Variants in TRAPPC9 observed in about 807,000 individuals in gnomAD.
TRAPPC9 encodes trafficking protein particle complex subunit 9.
A neutral mutation model predicts 124.0 loss-of-function variants in TRAPPC9; 83 were observed. The ratio of observed to expected loss-of-function variants is 0.67; its 90% CI spans 0.56 to 0.80. The LOEUF (loss-of-function observed/expected upper bound fraction) is 0.80. TRAPPC9 is among the 30% of genes least tolerant of loss of function. TRAPPC9 has a pLI of 0.00. For missense variants in TRAPPC9, 1,302 were observed against 1,508.3 expected, an observed-to-expected ratio of 0.86 and a Z score of 2.27; for synonymous variants, 638 against 617.5, an observed-to-expected ratio of 1.03 and a Z score of -0.49.
At chr8:139,840,942 G>A (rs1485965515) in intron 21 of TRAPPC9, among the ~76,000 whole-genome samples, 2 of 152,138 alleles carry the variant, frequency 1.3e-5, no homozygotes, top group African/African-American at 4.8e-5. Flanking sequence ...TGATGCCTCG[G>A]GTCTGGGAGG....
rs561736933 is a variant in TRAPPC9 at position 140,318,031 on chromosome 8, C to T, written c.1496-6657G>A. On this transcript the variant is annotated intron_variant, in intron 9 of 22. Transcript: ENST00000438773. ...AATATTGTAGTTATATAAGAAAATGCTCATTTTTTAGCAATGCATACTAAA... is the reference window on the plus strand; with the variant it reads ...AATATTGTAGTTATATAAGAAAATGTTCATTTTTTAGCAATGCATACTAAA... Among the ~76,000 whole-genome samples, 375 of 152,128 alleles carry T rather than the reference C, an allele frequency of 2.5e-3. 2 individuals carry two copies. Among genetic ancestry groups the T allele is most frequent in the African/African-American group, 8.8e-3 (366 of 41,490 alleles).
chr8:140,447,314 A>G (rs139859225), intron 2 of TRAPPC9, among the ~76,000 whole-genome samples: 16 of 152,316 alleles, frequency 1.1e-4, no homozygotes, highest in African/African-American at 3.6e-4. Flanking sequence ...AAATGAAAAG[A>G]CTATCCAGTT....
chr8:140,058,076 C>T (rs1038136519), intron 17 of TRAPPC9, among the ~76,000 whole-genome samples: 2 of 152,196 alleles, frequency 1.3e-5, no homozygotes, highest in African/African-American at 2.4e-5. Flanking sequence ...TCATGGGGCA[C>T]GTCTACTCTG....
chr8:140,437,108 C>T (rs1470333546), intron 3 of TRAPPC9, among the ~76,000 whole-genome samples: 1 of 151,982 alleles, frequency 6.6e-6, no homozygotes, highest in Non-Finnish European at 1.5e-5. Context: ...GGACTACAGG[C>T]ACAGACCACC....
At chr8:139,921,259 G>A (rs192952873) in intron 19 of TRAPPC9, among the ~76,000 whole-genome samples, 8 of 152,318 alleles carry the variant, frequency 5.3e-5, no homozygotes, top group Admixed American at 1.3e-4. Flanking sequence ...CAGGGATGCC[G>A]CCCAGGGCCA....
In TRAPPC9 at chr8:140,405,713, G is replaced by A. The variant is rs2069466474; in HGVS notation, c.887-15C>T. ...GGTGAGGGCACCTGCAAACCAAGAGGAAGAAAAGAAATAATCTTTTGCTTT... is the reference window on the plus strand; with the variant it reads ...GGTGAGGGCACCTGCAAACCAAGAGAAAGAAAAGAAATAATCTTTTGCTTT... On this transcript the variant is annotated splice_polypyrimidine_tract_variant and intron_variant, in intron 5 of 22. Transcript: ENST00000438773. 2 of 1,613,938 alleles carry A rather than the reference G, an allele frequency of 1.2e-6. No individual in the cohort carries two copies. The highest frequency in any genetic ancestry group is 1.7e-6 in the Non-Finnish European group (2 of 1,179,976).
At chr8:139,863,490 G>A (rs1052235017) in intron 21 of TRAPPC9, among the ~76,000 whole-genome samples, 3 of 152,224 alleles carry the variant, frequency 2.0e-5, no homozygotes, top group African/African-American at 7.2e-5. Flanking sequence ...GGCCTGTGGT[G>A]AAATCCAGAG....
intron 17 of TRAPPC9, among the ~76,000 whole-genome samples, chr8:140,152,076 C>T (rs1464713378): frequency 6.6e-6 from 1 of 152,016 alleles, no homozygotes; most frequent in East Asian, 1.9e-4. Context: ...TTTCCCATTT[C>T]CTCGCCTAGT....
chr8:140,131,635 T>C (rs938415095), intron 17 of TRAPPC9, among the ~76,000 whole-genome samples: 3 of 151,896 alleles, frequency 2.0e-5, no homozygotes, highest in African/African-American at 7.3e-5. Flanking sequence ...CACCGAAAAA[T>C]GAAGCACTGA....
chr8:139,900,551 T>C (rs528417756), intron 20 of TRAPPC9, among the ~76,000 whole-genome samples: 3 of 152,262 alleles, frequency 2.0e-5, no homozygotes, highest in Non-Finnish European at 4.4e-5. Flanking sequence ...TTATCACATT[T>C]AATTATTTAA....
At chr8:140,001,351 C>T (rs548258373) in intron 18 of TRAPPC9, among the ~76,000 whole-genome samples, 1 of 151,802 alleles carries the variant, frequency 6.6e-6, no homozygotes, top group East Asian at 1.9e-4. Context: ...AACAAACCTG[C>T]ACATTGTGCA....
chr8:140,071,985 C>A (rs192120388), intron 17 of TRAPPC9, among the ~76,000 whole-genome samples: 20 of 152,338 alleles, frequency 1.3e-4, no homozygotes, highest in Non-Finnish European at 2.9e-4. Context: ...ATCATCTCAA[C>A]TGACGCAGAA....
chr8:140,244,766 C>A (rs562252935), intron 16 of TRAPPC9, among the ~76,000 whole-genome samples: 21 of 148,844 alleles, frequency 1.4e-4, no homozygotes, highest in African/African-American at 5.0e-4. Flanking sequence ...CTGTCTGTTA[C>A]GCAGAAGTAT....
chr8:140,099,224 A>AGCTGCAGGAGT (rs1179625800), intron 17 of TRAPPC9: 5 of 151,398 alleles, frequency 3.3e-5, no homozygotes, highest in African/African-American at 9.7e-5. Context: ...GTCTCTGCGC[A>AGCTGCAGGAGT]GCTGCAGGAG....
chr8:140,248,844 A>C (rs1039942671), intron 16 of TRAPPC9, among the ~76,000 whole-genome samples: 3 of 152,188 alleles, frequency 2.0e-5, no homozygotes, highest in African/African-American at 7.2e-5. Context: ...AAGGTAAATA[A>C]TTTGCTTTCT....
intron 21 of TRAPPC9, among the ~76,000 whole-genome samples, chr8:139,826,551 A>G (rs1243057356): frequency 2.0e-5 from 3 of 152,190 alleles, no homozygotes; most frequent in African/African-American, 7.2e-5. Context: ...GAACCACGGC[A>G]GAGGCGGTGG....
chr8:140,168,552 G>A (rs1490502695), intron 17 of TRAPPC9, among the ~76,000 whole-genome samples: 2 of 152,178 alleles, frequency 1.3e-5, no homozygotes, highest in Non-Finnish European at 2.9e-5. Context: ...AAGGCTCATG[G>A]ATGCTGAGTA....
intron 21 of TRAPPC9, among the ~76,000 whole-genome samples, chr8:139,764,026 G>C (rs903874808): frequency 1.3e-5 from 2 of 152,240 alleles, no homozygotes; most frequent in African/African-American, 4.8e-5. Context: ...ATGGGGGGTT[G>C]TGACCCCAGG....
intron 22 of TRAPPC9, 56 bp from the exon 23 acceptor site, chr8:139,731,284 G>A (rs985506172): frequency 5.6e-6 from 9 of 1,595,280 alleles, no homozygotes; most frequent in Non-Finnish European, 7.7e-6. Context: ...GCCACCCAAA[G>A]CCACCAGGAA....
Sources: allele counts gnomAD v4.1 joint callset (sites outside exome capture counted in the v4.1 genomes callset), GRCh38; gene constraint gnomAD v4.1.1; transcripts MANE v1.5; gene names NCBI Gene and HGNC (gene_info 2026-07-23, HGNC 2026-07-21).